COL14A1: variants seen among roughly 807,000 people sequenced by gnomAD.
COL14A1 encodes collagen alpha-1(XIV) chain.
COL14A1 carries 136 observed loss-of-function variants against 230.3 expected under a neutral mutation model. The observed-to-expected ratio is 0.59, with a 90% CI of 0.51 to 0.68. The LOEUF is 0.68. COL14A1 is among the 30% of genes least tolerant of loss of function. The pLI is 0.00. For missense variants in COL14A1, 1,976 were observed against 2,215.8 expected (o/e 0.89, Z 2.17); for synonymous variants, 792 against 784.1 (o/e 1.01, Z -0.17).
chr8:120,210,059 T>C (rs1230079348), intron 12 of COL14A1, among the ~76,000 whole-genome samples, 158 bp downstream of exon 12: 2 of 152,180 alleles, frequency 1.3e-5, no homozygotes, highest in African/African-American at 4.8e-5. Flanking sequence ...ATAGCCATTG[T>C]TAACATTTAA....
rs1424841681 is a variant in COL14A1 at position 120,231,594 on chromosome 8, C to T, written c.2325C>T (p.Asp775=). 6.2e-7 allele frequency: 1 copy of T among 1,613,728 alleles called. No individual in the cohort carries two copies. Among genetic ancestry groups the T allele is most frequent in the East Asian group, 2.2e-5 (1 of 44,858 alleles). ...TGACCTACATGACAGCTCAAGGGGA[C>T]CCTGAGGAAGAAGTCATAGGAACGG... The part of the protein sequence containing the change: ...FRVTYMTAQG[D]PEEEVIGTVM... Residue 775 remains aspartate (D), a synonymous_variant, in exon 19 of 48, where the codon GAC becomes GAT. Transcript: ENST00000297848.
intron 37 of COL14A1, 83 bp downstream of exon 37, chr8:120,310,145 C>G (rs1359091152): frequency 2.2e-6 from 3 of 1,387,478 alleles, no homozygotes; most frequent in Non-Finnish European, 3.0e-6. Flanking sequence ...CTAAATGTGA[C>G]TTATTTCACC....
At chr8:120,286,776 T>G (rs1478003222) in intron 33 of COL14A1, among the ~76,000 whole-genome samples, 4 of 152,238 alleles carry the variant, frequency 2.6e-5, no homozygotes, top group Non-Finnish European at 5.9e-5. Context: ...CCCAAAGTGC[T>G]GGGATTACAG....
At chr8:120,285,651 A>T (rs1189823223) in intron 32 of COL14A1, among the ~76,000 whole-genome samples, 1 of 152,070 alleles carries the variant, frequency 6.6e-6, no homozygotes, top group African/African-American at 2.4e-5. Context: ...TCTTTGCCTC[A>T]CTGTCATCAC....
intron 45 of COL14A1, among the ~76,000 whole-genome samples, chr8:120,365,481 A>G (rs779392063): frequency 6.6e-6 from 1 of 152,218 alleles, no homozygotes; most frequent in Non-Finnish European, 1.5e-5. Flanking sequence ...TCCCGGATGC[A>G]CATTGGGGCA....
intron 23 of COL14A1, among the ~76,000 whole-genome samples, chr8:120,259,019 T>C (rs1274884215): frequency 6.6e-6 from 1 of 152,216 alleles, no homozygotes. Context: ...ATGCTCCACT[T>C]GTCCCTATTT....
chr8:120,262,507 C>CAAAGATTAAA (rs1199681984), intron 23 of COL14A1, among the ~76,000 whole-genome samples: 1 of 151,882 alleles, frequency 6.6e-6, no homozygotes, highest in Non-Finnish European at 1.5e-5. Flanking sequence ...AAAAACCCCA[C>CAAAGATTAAA]AAAGATTAAA....
chr8:120,225,719 A>G (rs1290882783), intron 15 of COL14A1, among the ~76,000 whole-genome samples: 1 of 152,140 alleles, frequency 6.6e-6, no homozygotes. Flanking sequence ...AGACATGAAT[A>G]CATTATTTTT....
chr8:120,282,709 A>G (rs1249498567), intron 31 of COL14A1, among the ~76,000 whole-genome samples: 4 of 152,188 alleles, frequency 2.6e-5, no homozygotes, highest in African/African-American at 9.6e-5. Context: ...TTGGAGGAAG[A>G]TTTAAAAAGT....
In COL14A1 at chr8:120,371,857, AAAT is replaced by A; in HGVS notation, c.*630_*632del. ...TTTTTCAGTGGTTTTAACTCATGTG[AAAT>A]AATGATTTTCCACCAGCTCTGATGC... is the stretch of plus-strand genomic sequence containing the variant. On this transcript the variant is annotated 3_prime_UTR_variant, in exon 48 of 48. Coordinates refer to ENST00000297848, the MANE Select transcript of COL14A1 (RefSeq NM_021110.4). 2.7e-6 allele frequency: 1 copy of A among 376,424 alleles called. No homozygotes were observed. The highest frequency in any genetic ancestry group is 4.7e-6 in the Non-Finnish European group (1 of 211,688). 23.3% of individuals were successfully genotyped at this position (376,424 alleles called of 1,614,324 possible). A position where few individuals can be genotyped will look rare whatever the true frequency, so the allele number is the denominator to read the frequency against.
At chr8:120,307,596 A>C (rs1820892781) in intron 36 of COL14A1, among the ~76,000 whole-genome samples, 1 of 152,224 alleles carries the variant, frequency 6.6e-6, no homozygotes, top group African/African-American at 2.4e-5. Flanking sequence ...ACCCAATGGA[A>C]AACTGAGTAA....
Position 120,199,459 on chromosome 8 carries a change from C to T in COL14A1, c.770C>T (p.Thr257Ile). ...TTCAAACCAGAAGCAGGATCAAGGA[C>T]TGGAGTATCCAAAATTGGCATTTTA... ...NSFKPEAGSRTGVSKIGILIT... is the reference protein window; with the variant it reads ...NSFKPEAGSRIGVSKIGILIT... Residue 257 changes from threonine to isoleucine, a missense_variant, in exon 8 of 48, where the codon ACT becomes ATT. Physicochemically the swap from Thr to Ile is moderately conservative, Grantham distance 89 (BLOSUM62 -1). Coordinates refer to ENST00000297848, the MANE Select transcript of COL14A1 (RefSeq NM_021110.4). The T allele has an allele frequency of 6.2e-7, 1 of 1,612,452 alleles. No individual in the cohort carries two copies. Among genetic ancestry groups the T allele is most frequent in the Middle Eastern group, 1.7e-4 (1 of 6,054 alleles).
chr8:120,164,111 T>G (rs1204206027), intron 4 of COL14A1, among the ~76,000 whole-genome samples: 2 of 152,194 alleles, frequency 1.3e-5, no homozygotes, highest in East Asian at 3.8e-4. Context: ...CCCAATTTAT[T>G]ATTAAGGACA....
chr8:120,274,264 T>C (rs572336614), intron 26 of COL14A1, among the ~76,000 whole-genome samples: 2 of 151,712 alleles, frequency 1.3e-5, no homozygotes, highest in East Asian at 3.9e-4. Context: ...AAGCATTCAA[T>C]AAAATCCAGC....
At chr8:120,128,522 G>C (rs1236078676) in intron 1 of COL14A1, among the ~76,000 whole-genome samples, 4 of 152,102 alleles carry the variant, frequency 2.6e-5, no homozygotes, top group Admixed American at 2.6e-4. Flanking sequence ...ATCACCTGAG[G>C]TCAAGAGTTC....
At chr8:120,130,872 T>C (rs1046006232) in intron 1 of COL14A1, among the ~76,000 whole-genome samples, 4 of 152,158 alleles carry the variant, frequency 2.6e-5, no homozygotes, top group African/African-American at 9.7e-5. Context: ...CACCCCCTTT[T>C]TTTTCCTTCC....
At chr8:120,157,396 T>C (rs1311002119) in intron 2 of COL14A1, among the ~76,000 whole-genome samples, 2 of 152,150 alleles carry the variant, frequency 1.3e-5, no homozygotes, top group Admixed American at 1.3e-4. Flanking sequence ...TCAAAAATAT[T>C]GAATTACCAA....
At chr8:120,203,929 G>T (rs1025204590) in intron 9 of COL14A1, 59 bp downstream of exon 9, 7 of 1,506,366 alleles carry the variant, frequency 4.6e-6, no homozygotes, top group Non-Finnish European at 6.3e-6. Context: ...CAAGCCTATT[G>T]TGAATTGGGA....
At chr8:120,326,109 C>G (rs980642140) in intron 40 of COL14A1, among the ~76,000 whole-genome samples, 4 of 152,160 alleles carry the variant, frequency 2.6e-5, no homozygotes, top group Non-Finnish European at 5.9e-5. Flanking sequence ...AGAAGAAGGG[C>G]CTGAACCCTG....
Sources: gnomAD v4.1 joint callset for allele counts (sites outside exome capture counted in the v4.1 genomes callset) on GRCh38, gnomAD v4.1.1 for gene constraint, MANE v1.5 for transcripts, NCBI Gene and HGNC (gene_info 2026-07-23, HGNC 2026-07-21) for gene names.